The following BIN3 variants were observed in gnomAD, a reference collection of about 807,000 sequenced individuals.
BIN3 encodes the protein bridging integrator 3.
Under a neutral mutation model 38.2 loss-of-function variants are expected in BIN3, and 41 were observed. That is an observed-to-expected ratio of 1.07 (90% CI 0.84 to 1.39). BIN3 has a LOEUF of 1.39. Ranked by LOEUF, BIN3 falls within the 40% of genes most tolerant of loss-of-function variation. BIN3 has a pLI of 0.00. For synonymous variants in BIN3, 145 were observed against 122.6 expected, an observed-to-expected ratio of 1.18 and a Z score of -1.21; for missense variants, 361 against 324.3, an observed-to-expected ratio of 1.11 and a Z score of -0.87.
At chr8:22,638,447 C>T (rs1052368293) in intron 2 of BIN3, among the ~76,000 whole-genome samples, 4 of 152,212 alleles carry the variant, frequency 2.6e-5, no homozygotes, top group South Asian at 2.1e-4. Flanking sequence ...TTCATTCCTA[C>T]GAACATGTAT....
intron 1 of BIN3, 170 bp from the exon 2 acceptor site, chr8:22,644,973 TG>T (rs1240398591): frequency 1.7e-6 from 1 of 595,952 alleles, no homozygotes; most frequent in Non-Finnish European, 3.1e-6. Context: ...CATCTGGGCT[TG>T]GTTCTAAGAG....
At chr8:22,629,717 G>A in intron 6 of BIN3, 1 of 578,642 alleles carries the variant, frequency 1.7e-6, no homozygotes. Context: ...GGCGGTTGCT[G>A]GGTGGGGTGG....
intron 5 of BIN3, 54 bp downstream of exon 5, chr8:22,630,388 G>C: frequency 6.2e-7 from 1 of 1,604,870 alleles, no homozygotes; most frequent in East Asian, 2.2e-5. Flanking sequence ...TCCACCCAGA[G>C]GCCCAGACCG....
intron 8 of BIN3, among the ~76,000 whole-genome samples, chr8:22,621,948 T>A (rs7846476): frequency 6.6e-6 from 1 of 151,972 alleles, no homozygotes; most frequent in African/African-American, 2.4e-5. Flanking sequence ...GACAGCATGG[T>A]AGGCTGATGG....
chr8:22,653,037 A>C (rs1044242490), intron 1 of BIN3, among the ~76,000 whole-genome samples: 4 of 152,204 alleles, frequency 2.6e-5, no homozygotes, highest in African/African-American at 9.7e-5. Context: ...AATTTAGAAA[A>C]ATCTCATGTT....
chr8:22,640,967 G>A (rs896579551), intron 2 of BIN3, among the ~76,000 whole-genome samples: 2 of 152,168 alleles, frequency 1.3e-5, no homozygotes, highest in Non-Finnish European at 2.9e-5. Flanking sequence ...TGCTTCCAGC[G>A]GCCGGGGTGG....
chr8:22,667,536 T>A (rs1803460761), intron 1 of BIN3, among the ~76,000 whole-genome samples: 1 of 152,206 alleles, frequency 6.6e-6, no homozygotes, highest in African/African-American at 2.4e-5. Flanking sequence ...AAAGGATATC[T>A]ATATTGCAAG....
chr8:22,662,513 G>C (rs1188914951), intron 1 of BIN3, among the ~76,000 whole-genome samples: 1 of 152,170 alleles, frequency 6.6e-6, no homozygotes, highest in African/African-American at 2.4e-5. Flanking sequence ...TTCTTATAAA[G>C]AACTCAGCCA....
chr8:22,637,139 TTAAG>T (rs1394032486), intron 2 of BIN3, among the ~76,000 whole-genome samples, 177 bp from the exon 3 acceptor site: 3 of 152,100 alleles, frequency 2.0e-5, no homozygotes, highest in African/African-American at 7.2e-5. Flanking sequence ...CCCAAGTTAA[TTAAG>T]TGTTTGAATT....
chr8:22,649,962 AAG>A (rs910812782), intron 1 of BIN3, among the ~76,000 whole-genome samples: 2 of 151,796 alleles, frequency 1.3e-5, no homozygotes, highest in African/African-American at 4.9e-5. Flanking sequence ...TAATAAGTAA[AAG>A]AAATATCATG....
chr8:22,648,118 G>A (rs1207798266), intron 1 of BIN3, among the ~76,000 whole-genome samples: 1 of 139,068 alleles, frequency 7.2e-6, no homozygotes, highest in Non-Finnish European at 1.5e-5. Context: ...CTGCGCGACA[G>A]AGTGAGACTC....
intron 1 of BIN3, among the ~76,000 whole-genome samples, chr8:22,652,508 T>C (rs1368060236): frequency 6.6e-6 from 1 of 152,204 alleles, no homozygotes. Context: ...CATGTGTGCA[T>C]GTGCGCATGT....
intron 1 of BIN3, among the ~76,000 whole-genome samples, chr8:22,663,587 C>A (rs1803313870): frequency 6.6e-6 from 1 of 152,076 alleles, no homozygotes; most frequent in African/African-American, 2.4e-5. Context: ...TGCTCAAAAG[C>A]CTTCAATTTC....
rs568717796 is a variant in BIN3, at chr8:22,664,202, G to A, written c.8+4842C>T. Among the ~76,000 whole-genome samples the A allele has an allele frequency of 2.6e-5, 4 of 152,290 alleles. No individual in the cohort carries two copies. The East Asian group carries it at 7.7e-4, about 29-fold the overall frequency. On this transcript the variant is annotated intron_variant, in intron 1 of 8. Transcript: ENST00000276416. ...TTACTCCGACAGATTTCCTTAAAGA[G>A]TATAATACATATAACACCTCTGACT...
Position 22,621,367 on chromosome 8 carries a change from G to A in BIN3, c.*55C>T, listed in dbSNP as rs936305858. On this transcript the variant is annotated 3_prime_UTR_variant, in exon 9 of 9. Coordinates refer to ENST00000276416, the MANE Select transcript of BIN3 (RefSeq NM_018688.6). ...AGAGGAGCAGCTAGCCCTGAGAAGG[G>A]CAAGGATGAATGAGGCTGACCACGT... 1.3e-5 allele frequency: 20 copies of A among 1,569,808 alleles called. No individual in the cohort carries two copies. The South Asian group carries it at 1.9e-4, about 15-fold the overall frequency.
intron 1 of BIN3, among the ~76,000 whole-genome samples, chr8:22,662,033 G>A (rs1803252571): frequency 6.6e-6 from 1 of 152,198 alleles, no homozygotes; most frequent in Admixed American, 6.5e-5. Context: ...GACCTCAACT[G>A]ATCTGCCCGC....
chr8:22,629,723 G>C, intron 6 of BIN3: 4 of 579,800 alleles, frequency 6.9e-6, no homozygotes, highest in Non-Finnish European at 1.2e-5. Context: ...TGCTGGGTGG[G>C]GTGGGAAGGG....
intron 1 of BIN3, among the ~76,000 whole-genome samples, chr8:22,645,739 A>G (rs1362699527): frequency 1.3e-5 from 2 of 152,188 alleles, no homozygotes; most frequent in Admixed American, 6.5e-5. Flanking sequence ...TATGGTCTAT[A>G]TTAGGTGCTT....
chr8:22,625,251 C>T lies in BIN3; in HGVS notation c.339-888G>A, dbSNP rs1296090844. On this transcript the variant is annotated intron_variant, in intron 6 of 8. Coordinates refer to ENST00000276416, the MANE Select transcript of BIN3 (RefSeq NM_018688.6). Reference sequence around the variant, plus strand: ...CCAGGAGCAGTGCTCTCCTGAGGCTCTCGCTGCTGCTGCTGGAGGGCTGGC... The same window carrying T: ...CCAGGAGCAGTGCTCTCCTGAGGCTTTCGCTGCTGCTGCTGGAGGGCTGGC... The T allele has an allele frequency of 4.3e-6, 3 of 698,380 alleles. No individual in the cohort carries two copies. The African/African-American group carries it at 5.3e-5, about 12-fold the overall frequency. The allele number at this position is 698,380 out of a possible 1,614,324, so 43.3% of individuals were successfully genotyped here. A position where few individuals can be genotyped will look rare whatever the true frequency, so the allele number is the denominator to read the frequency against.
Sources: allele counts gnomAD v4.1 joint callset (sites outside exome capture counted in the v4.1 genomes callset), GRCh38; gene constraint gnomAD v4.1.1; transcripts MANE v1.5; gene names NCBI Gene and HGNC (gene_info 2026-07-23, HGNC 2026-07-21).